The following SMPDL3B variants were observed in gnomAD, a reference collection of about 807,000 sequenced individuals.
SMPDL3B encodes sphingomyelin phosphodiesterase acid like 3B.
In SMPDL3B, 31 loss-of-function variants were observed where a neutral mutation model predicts 37.9. That is an observed-to-expected ratio of 0.82 (90% CI 0.61 to 1.10). The LOEUF (loss-of-function observed/expected upper bound fraction) is 1.10, where lower values mean the gene tolerates loss of function less well. Ranked by LOEUF, SMPDL3B falls within the 50% of genes least tolerant of loss-of-function variation. The probability of loss-of-function intolerance (pLI) is 0.00; values close to 1 mark genes in which losing one functional copy is unlikely to be tolerated. For synonymous variants in SMPDL3B, 235 were observed against 242.6 expected, an observed-to-expected ratio of 0.97 and a Z score of 0.29; for missense variants, 525 against 597.8, an observed-to-expected ratio of 0.88 and a Z score of 1.27.
chr1:27,957,281 A>G (rs1638318082), intron 7 of SMPDL3B, among the ~76,000 whole-genome samples: 2 of 152,132 alleles, frequency 1.3e-5, no homozygotes, highest in African/African-American at 4.8e-5. Context: ...GAAAAGTGCC[A>G]GGTCCCAGAT....
chr1:27,936,490 A>G (rs2090308995), intron 1 of SMPDL3B: 1 of 152,122 alleles, frequency 6.6e-6, no homozygotes, highest in African/African-American at 2.4e-5. Context: ...AATTCTCTTT[A>G]TAGCCCCTCT....
intron 2 of SMPDL3B, among the ~76,000 whole-genome samples, chr1:27,946,717 G>T (rs924153946): frequency 6.6e-6 from 1 of 152,216 alleles, no homozygotes; most frequent in Non-Finnish European, 1.5e-5. Flanking sequence ...ACCAGCCTCA[G>T]TGGACACTTC....
In SMPDL3B at chr1:27,935,066, T is replaced by G; in HGVS notation, c.-118T>G. On this transcript the variant is annotated 5_prime_UTR_variant, in exon 1 of 8. Transcript: ENST00000373894. ...CGCCTTGGAGGACTTGGAACACCTG[T>G]AACAGGACAAGGAGTTCTGCTCAGG... 1.4e-6 allele frequency: 1 copy of G among 725,608 alleles called. No homozygotes were observed. Among genetic ancestry groups the G allele is most frequent in the Non-Finnish European group, 2.4e-6 (1 of 418,280 alleles). The allele number at this position is 725,608 out of a possible 1,614,324, so 44.9% of individuals were successfully genotyped here.
At chr1:27,954,735 A>C (rs2090485025) in intron 5 of SMPDL3B, among the ~76,000 whole-genome samples, 1 of 152,182 alleles carries the variant, frequency 6.6e-6, no homozygotes, top group African/African-American at 2.4e-5. Flanking sequence ...CCTGAGGCTC[A>C]TAAAGAGTGG....
intron 2 of SMPDL3B, among the ~76,000 whole-genome samples, chr1:27,948,259 A>G (rs2090427331): frequency 6.6e-6 from 1 of 152,206 alleles, no homozygotes; most frequent in African/African-American, 2.4e-5. Flanking sequence ...CAGTGTTATA[A>G]TGGGGAAAAA....
chr1:27,957,149 T>G (rs888258402), intron 7 of SMPDL3B, among the ~76,000 whole-genome samples: 1 of 152,054 alleles, frequency 6.6e-6, no homozygotes, highest in Admixed American at 6.5e-5. Flanking sequence ...GGAATCATCA[T>G]GTCTGCTGTG....
chr1:27,949,196 C>A, intron 3 of SMPDL3B, 34 bp downstream of exon 3: 1 of 1,609,612 alleles, frequency 6.2e-7, no homozygotes, highest in Non-Finnish European at 8.5e-7. Context: ...CCACAGTGTT[C>A]TCGGAACTCT....
Position 27,955,772 on chromosome 1 carries a change from T to C in SMPDL3B, c.779T>C (p.Leu260Pro), listed in dbSNP as rs765610052. 2 of 1,614,142 alleles carry C rather than the reference T, an allele frequency of 1.2e-6. No individual in the cohort carries two copies. Among genetic ancestry groups the C allele is most frequent in the East Asian group, 4.5e-5 (2 of 44,868 alleles). Residue 260 changes from leucine (L) to proline (P), a missense_variant, in exon 6 of 8, where the codon CTG becomes CCG. Leu to Pro is a moderately conservative substitution (Grantham distance 98, BLOSUM62 -3). Transcript: ENST00000373894. ...WFREGFNEKYLKVVRKHHRVI... is the reference protein window; with the variant it reads ...WFREGFNEKYPKVVRKHHRVI... The stretch of plus-strand genomic sequence containing the variant: ...CGGGAGGGCTTCAATGAAAAATACC[T>C]GAAGGTGGTCCGGAAGCATCATCGC...
At position 27,958,125 on chromosome 1, in the gene SMPDL3B, A is replaced by G. The variant is rs1638350146; in HGVS notation, c.1006-351A>G. On this transcript the variant is annotated intron_variant, in intron 7 of 7. Coordinates refer to ENST00000373894, the MANE Select transcript of SMPDL3B (RefSeq NM_014474.4). The surrounding 1 kb of genome is among the most constrained non-coding windows in gnomAD (Gnocchi z 5.6). ...GCTTTTATCTATTCATTATGTAAATATTTACTGAGCGTCTTCTATGTGTAC... is the reference window on the plus strand; with the variant it reads ...GCTTTTATCTATTCATTATGTAAATGTTTACTGAGCGTCTTCTATGTGTAC... Among the ~76,000 whole-genome samples, 1 of 152,118 alleles carries G rather than the reference A, an allele frequency of 6.6e-6. No homozygotes were observed. Among genetic ancestry groups the G allele is most frequent in the South Asian group, 2.1e-4 (1 of 4,828 alleles).
chr1:27,958,417 G>T lies in SMPDL3B; in HGVS notation c.1006-59G>T. On this transcript the variant is annotated intron_variant, in intron 7 of 7. Transcript: ENST00000373894. This position sits in a 1 kb window ranked among gnomAD's most constrained non-coding sequence, Gnocchi z 5.6. Reference sequence around the variant, plus strand: ...AACTTGGGGGCAAATGCAAGGTGCAGGATGGGGATGGAAGCAGACAACTGC... The same window carrying T: ...AACTTGGGGGCAAATGCAAGGTGCATGATGGGGATGGAAGCAGACAACTGC... 1 of 1,546,846 alleles carries T rather than the reference G, an allele frequency of 6.5e-7. No individual in the cohort carries two copies. Among genetic ancestry groups the T allele is most frequent in the Non-Finnish European group, 8.8e-7 (1 of 1,142,718 alleles).
At chr1:27,937,322 T>G (rs1313673880) in intron 1 of SMPDL3B, among the ~76,000 whole-genome samples, 1 of 152,180 alleles carries the variant, frequency 6.6e-6, no homozygotes, top group Non-Finnish European at 1.5e-5. Flanking sequence ...GTGGGTTAGC[T>G]TGGTAGGAAA....
intron 2 of SMPDL3B, among the ~76,000 whole-genome samples, chr1:27,946,181 C>T (rs182133175): frequency 1.9e-3 from 282 of 151,884 alleles, no homozygotes; most frequent in African/African-American, 6.4e-3. Context: ...GGTGAAACCC[C>T]GTCTCTACTA....
intron 3 of SMPDL3B, among the ~76,000 whole-genome samples, chr1:27,952,437 C>T (rs573699883): frequency 1.3e-5 from 2 of 152,298 alleles, no homozygotes; most frequent in East Asian, 3.9e-4. Flanking sequence ...TGTTCTGAGT[C>T]CAAGAGTTAT....
intron 5 of SMPDL3B, among the ~76,000 whole-genome samples, 185 bp downstream of exon 5, chr1:27,954,711 C>T (rs1027953054): frequency 1.3e-5 from 2 of 152,200 alleles, no homozygotes; most frequent in Non-Finnish European, 2.9e-5. Context: ...CTGGAGCCCA[C>T]TGCAGATGAG....
chr1:27,953,916 C>T (rs2090476255), intron 4 of SMPDL3B, among the ~76,000 whole-genome samples: 1 of 152,204 alleles, frequency 6.6e-6, no homozygotes, highest in Non-Finnish European at 1.5e-5. Flanking sequence ...TGACCCTACT[C>T]TTCCCTTTCC....
chr1:27,958,137 T>C lies in SMPDL3B; in HGVS notation c.1006-339T>C, dbSNP rs1413911686. The stretch of plus-strand genomic sequence containing the variant: ...TCATTATGTAAATATTTACTGAGCG[T>C]CTTCTATGTGTACCCTAGCATGGTG... On this transcript the variant is annotated intron_variant, in intron 7 of 7. Transcript: ENST00000373894. This position sits in a 1 kb window ranked among gnomAD's most constrained non-coding sequence, Gnocchi z 5.6. Among the ~76,000 whole-genome samples, 2 of 152,194 alleles carry C rather than the reference T, an allele frequency of 1.3e-5. No individual in the cohort carries two copies. Among genetic ancestry groups the C allele is most frequent in the African/African-American group, 2.4e-5 (1 of 41,428 alleles).
intron 1 of SMPDL3B, among the ~76,000 whole-genome samples, chr1:27,937,218 C>T (rs1040067310): frequency 6.6e-6 from 1 of 152,208 alleles, no homozygotes; most frequent in Admixed American, 6.5e-5. Context: ...TGGATGCCAA[C>T]TTGCTGGCTC....
At position 27,949,076 on chromosome 1, in the gene SMPDL3B, C is replaced by T; in HGVS notation, c.287C>T (p.Pro96Leu). 6.2e-7 allele frequency: 1 copy of T among 1,614,220 alleles called. No homozygotes were observed. Among genetic ancestry groups the T allele is most frequent in the South Asian group, 1.1e-5 (1 of 91,086 alleles). ...DFILWTGDDT[P>L]HVPDEKLGEA... ...GTGGTGTTTTGTAGTGATGACACGC[C>T]TCATGTGCCCGATGAGAAACTGGGA... is the stretch of plus-strand genomic sequence containing the variant. Residue 96 changes from proline to leucine, a missense_variant, in exon 3 of 8, where the codon CCT becomes CTT. By Grantham distance (98) the Pro-to-Leu change is moderately conservative. Transcript: ENST00000373894.
At chr1:27,951,462 C>T (rs1331146439) in intron 3 of SMPDL3B, among the ~76,000 whole-genome samples, 1 of 152,210 alleles carries the variant, frequency 6.6e-6, no homozygotes, top group Non-Finnish European at 1.5e-5. Flanking sequence ...CTGTGTTCAA[C>T]TTTACCCACC....
Sources: gnomAD v4.1 joint callset for allele counts (sites outside exome capture counted in the v4.1 genomes callset) on GRCh38, gnomAD v4.1.1 for gene constraint, Gnocchi (gnomAD v3.1) non-coding constraint, MANE v1.5 for transcripts, NCBI Gene and HGNC (gene_info 2026-07-23, HGNC 2026-07-21) for gene names.